IDNK: variants seen among roughly 807,000 people sequenced by gnomAD.
IDNK encodes the protein gluconokinase.
IDNK carries 9 observed loss-of-function variants against 13.0 expected under a neutral mutation model. That is an observed-to-expected ratio of 0.69 (90% CI 0.42 to 1.21). IDNK has a LOEUF of 1.21. Among genes scored for constraint, IDNK ranks in the 50% most tolerant of loss-of-function variants. The probability of loss-of-function intolerance (pLI) is 0.00; values close to 1 mark genes in which losing one functional copy is unlikely to be tolerated. For missense variants in IDNK, 210 were observed against 237.8 expected, an observed-to-expected ratio of 0.88 and a Z score of 0.77; for synonymous variants, 92 against 94.9, an observed-to-expected ratio of 0.97 and a Z score of 0.18.
chr9:83,642,083 T>C (rs932465615), intron 4 of IDNK, among the ~76,000 whole-genome samples: 4 of 152,030 alleles, frequency 2.6e-5, no homozygotes, highest in East Asian at 3.9e-4. Context: ...CATTTGTGAG[T>C]GAACAGGTAA....
At chr9:83,634,374 T>G (rs1831109529) in intron 3 of IDNK, among the ~76,000 whole-genome samples, 1 of 152,246 alleles carries the variant, frequency 6.6e-6, no homozygotes, top group South Asian at 2.1e-4. Context: ...ATAGTTGAGA[T>G]TCTGAAAAGC....
intron 1 of IDNK, chr9:83,626,845 T>C: frequency 5.5e-6 from 6 of 1,095,632 alleles, no homozygotes; most frequent in Non-Finnish European, 6.7e-6. Flanking sequence ...AATGAACTAA[T>C]GGGAAAGGTT....
intron 1 of IDNK, chr9:83,626,697 G>C (rs188802382): frequency 1.6e-6 from 2 of 1,270,494 alleles, no homozygotes; most frequent in Non-Finnish European, 1.0e-6. Flanking sequence ...GATTATAGGC[G>C]TGAGCCAAGG....
Position 83,643,899 on chromosome 9 carries a change from A to C in IDNK, c.*119A>C. 1 of 676,668 alleles carries C rather than the reference A, an allele frequency of 1.5e-6. No homozygotes were observed. 41.9% of individuals were successfully genotyped at this position (676,668 alleles called of 1,614,324 possible). A position where few individuals can be genotyped will look rare whatever the true frequency, so the allele number is the denominator to read the frequency against. Reference sequence around the variant, plus strand: ...TAAATGTTTCTAAAGGCAAACCCCAATGTGTCAAGACAGACTTGTTTAGGT... The same window carrying C: ...TAAATGTTTCTAAAGGCAAACCCCACTGTGTCAAGACAGACTTGTTTAGGT... On this transcript the variant is annotated 3_prime_UTR_variant, in exon 5 of 5. Transcript: ENST00000376419.
At chr9:83,628,086 T>C (rs1830910048) in intron 1 of IDNK, 95 bp from the exon 2 acceptor site, 2 of 1,538,494 alleles carry the variant, frequency 1.3e-6, no homozygotes, top group Non-Finnish European at 1.8e-6. Flanking sequence ...AAATTCCTGC[T>C]AAGGCAGCCA....
chr9:83,635,116 C>T (rs568248525), intron 3 of IDNK, among the ~76,000 whole-genome samples: 2 of 152,330 alleles, frequency 1.3e-5, no homozygotes, highest in African/African-American at 4.8e-5. Flanking sequence ...GGCTGGTTGA[C>T]TACCCAGCTG....
chr9:83,641,524 GGTTTTT>G lies in IDNK; in HGVS notation c.169-11_169-6del, dbSNP rs772868803. 44 of 1,613,378 alleles carry G rather than the reference GGTTTTT, an allele frequency of 2.7e-5. No homozygotes were observed. The highest frequency in any genetic ancestry group is 2.4e-4 in the African/African-American group (18 of 75,008). ...ACCTGGAGAAGTCACGTTGTGTCTG[GGTTTTT>G]GTTTTTGTTTTTTTCAGGACCGGAT... On this transcript the variant is annotated intron_variant, in intron 3 of 4. Transcript: ENST00000376419.
At chr9:83,632,740 T>G (rs1831057131) in intron 3 of IDNK, among the ~76,000 whole-genome samples, 1 of 152,184 alleles carries the variant, frequency 6.6e-6, no homozygotes. Context: ...CTAATTTGGA[T>G]TGTCTCATTT....
intron 1 of IDNK, among the ~76,000 whole-genome samples, chr9:83,624,844 G>C (rs913795005): frequency 2.6e-5 from 4 of 152,044 alleles, no homozygotes; most frequent in African/African-American, 9.7e-5. Flanking sequence ...CTCCTAAGTA[G>C]CTGGGATTAT....
intron 3 of IDNK, among the ~76,000 whole-genome samples, chr9:83,640,529 G>A (rs1831275185): frequency 6.6e-6 from 1 of 152,132 alleles, no homozygotes; most frequent in Admixed American, 6.5e-5. Flanking sequence ...CGTATAACAA[G>A]ACTAATAGTG....
At chr9:83,642,411 G>C (rs1831336035) in intron 4 of IDNK, among the ~76,000 whole-genome samples, 1 of 152,078 alleles carries the variant, frequency 6.6e-6, no homozygotes, top group African/African-American at 2.4e-5. Context: ...AGGGGTTTAT[G>C]GTTCTGGGTT....
At chr9:83,632,557 CAAAAAAAAAA>C (rs61214533) in intron 3 of IDNK, among the ~76,000 whole-genome samples, 7 of 78,566 alleles carry the variant, frequency 8.9e-5, no homozygotes, top group East Asian at 4.1e-4. Context: ...AGCTGATGAG[CAAAAAAAAAA>C]AAAAAAAAAA....
chr9:83,623,189 G>T lies in IDNK; in HGVS notation c.18G>T (p.Ala6=), dbSNP rs1422678368. The change falls in exon 1 of 5, where the codon GCG becomes GCT. Residue 6 remains alanine (A), a synonymous_variant. Coordinates refer to ENST00000376419, the MANE Select transcript of IDNK (RefSeq NM_001001551.4). ...CTTGGGTTATGGCGGCGCCGGGCGC[G>T]CTGCTGGTGATGGGCGTGAGCGGCT... MAAPG[A]LLVMGVSGSG... 1.4e-6 allele frequency: 2 copies of T among 1,413,630 alleles called. No individual in the cohort carries two copies. Among genetic ancestry groups the T allele is most frequent in the Admixed American group, 3.7e-5 (1 of 27,342 alleles). 87.6% of individuals were successfully genotyped at this position (1,413,630 alleles called of 1,614,324 possible).
intron 3 of IDNK, among the ~76,000 whole-genome samples, chr9:83,632,208 A>G (rs1831037592): frequency 6.6e-6 from 1 of 150,938 alleles, no homozygotes; most frequent in Non-Finnish European, 1.5e-5. Flanking sequence ...CGCCATTCCC[A>G]CTCCCCATCT....
chr9:83,627,955 G>C (rs1830905449), intron 1 of IDNK: 1 of 1,218,528 alleles, frequency 8.2e-7, no homozygotes. Flanking sequence ...TGCCTTTAGA[G>C]AAAGAAATAG....
At chr9:83,630,613 G>A (rs1436383802) in intron 3 of IDNK, among the ~76,000 whole-genome samples, 5 of 152,154 alleles carry the variant, frequency 3.3e-5, no homozygotes, top group East Asian at 3.8e-4. Flanking sequence ...CTAACCATAC[G>A]CATACAACAT....
At chr9:83,632,557 C>CAAAAAAAAAAAAAAAAAAAAAAAAAAAA in intron 3 of IDNK, among the ~76,000 whole-genome samples, 1 of 78,560 alleles carries the variant, frequency 1.3e-5, no homozygotes. Flanking sequence ...AGCTGATGAG[C>CAAAAAAAAAAAAAAAAAAAAAAAAAAAA]AAAAAAAAAA....
chr9:83,623,572 G>A (rs1830764774), intron 1 of IDNK: 2 of 283,390 alleles, frequency 7.1e-6, no homozygotes, highest in South Asian at 6.9e-5. Context: ...GCGCCTTGTC[G>A]GGGCCAGGCG....
chr9:83,629,940 CAG>C (rs1278576032), intron 3 of IDNK, among the ~76,000 whole-genome samples: 6 of 152,226 alleles, frequency 3.9e-5, no homozygotes, highest in Non-Finnish European at 8.8e-5. Context: ...TGTCTCACAC[CAG>C]AGTTACAAAC....
Sources: allele counts gnomAD v4.1 joint callset (sites outside exome capture counted in the v4.1 genomes callset), GRCh38; gene constraint gnomAD v4.1.1; transcripts MANE v1.5; gene names NCBI Gene and HGNC (gene_info 2026-07-23, HGNC 2026-07-21).